Variants in POLR1F observed in about 807,000 individuals in gnomAD.
The protein encoded by POLR1F is DNA-directed RNA polymerase I subunit RPA43.
POLR1F carries 23 observed loss-of-function variants against 21.8 expected under a neutral mutation model. That is an observed-to-expected ratio of 1.05 (90% CI 0.76 to 1.49). The LOEUF (loss-of-function observed/expected upper bound fraction) is 1.49, where lower values mean the gene tolerates loss of function less well. Among genes scored for constraint, POLR1F ranks in the 40% most tolerant of loss-of-function variants. The pLI, the probability that POLR1F is intolerant of heterozygous loss-of-function variation, is 0.00. For synonymous variants in POLR1F, 162 were observed against 152.8 expected (o/e 1.06, Z -0.45); for missense variants, 435 against 412.1 (o/e 1.06, Z -0.48).
At position 19,698,167 on chromosome 7, in the gene POLR1F, T is replaced by C; in HGVS notation, c.*149A>G. 1.7e-6 allele frequency: 1 copy of C among 588,124 alleles called. No individual in the cohort carries two copies. The highest frequency in any genetic ancestry group is 6.0e-5 in the South Asian group (1 of 16,672). 36.4% of individuals were successfully genotyped at this position (588,124 alleles called of 1,614,324 possible). A position where few individuals can be genotyped will look rare whatever the true frequency, so the allele number is the denominator to read the frequency against. On this transcript the variant is annotated 3_prime_UTR_variant, in exon 4 of 4. Transcript: ENST00000222567. The stretch of plus-strand genomic sequence containing the variant: ...ATTAATTTACAGTCAGTTTTATCAT[T>C]TTTAGCATATAAAGCCTCCTACTCC...
chr7:19,702,212 G>GAT (rs1458266755), intron 2 of POLR1F, among the ~76,000 whole-genome samples: 5 of 152,122 alleles, frequency 3.3e-5, no homozygotes, highest in Non-Finnish European at 5.9e-5. Flanking sequence ...AGTTAATGTT[G>GAT]ATAATAGGGG....
At position 19,708,999 on chromosome 7, in the gene POLR1F, T is replaced by A; in HGVS notation, c.18A>T (p.Ser6=). The change falls in exon 1 of 4, where the codon TCA becomes TCT. Residue 6 remains serine (S), a synonymous_variant. Coordinates refer to ENST00000222567, the MANE Select transcript of POLR1F (RefSeq NM_001002926.2). ...AAGCCGCCGCTGGCCGCGGCGCCTC[T>A]GAGCAACCTGCAGCCATGCTGCTTG... MAAGC[S]EAPRPAAASD... is the part of the protein sequence containing the mutation. 6.3e-7 allele frequency: 1 copy of A among 1,590,276 alleles called. No homozygotes were observed. Among genetic ancestry groups the A allele is most frequent in the Non-Finnish European group, 8.6e-7 (1 of 1,167,576 alleles).
At chr7:19,702,433 A>C (rs1783457995) in intron 2 of POLR1F, among the ~76,000 whole-genome samples, 1 of 152,218 alleles carries the variant, frequency 6.6e-6, no homozygotes. Context: ...GAGAATGATC[A>C]CAGACTTAAA....
At position 19,708,850 on chromosome 7, in the gene POLR1F, T is replaced by G; in HGVS notation, c.167A>C (p.His56Pro). 1 of 1,614,224 alleles carries G rather than the reference T, an allele frequency of 6.2e-7. No individual in the cohort carries two copies. The highest frequency in any genetic ancestry group is 8.5e-7 in the Non-Finnish European group (1 of 1,180,036). Residue 56 changes from histidine to proline, a missense_variant, in exon 1 of 4, where the codon CAC becomes CCC. Coordinates refer to ENST00000222567, the MANE Select transcript of POLR1F (RefSeq NM_001002926.2). ...AAGGTAGCGGGGCGACAGCGCGATG[T>G]GCCTTTGGTGCGGCCCGGCCACCAG... ...SCLVAGPHQR[H>P]IALSPRYLNR...
chr7:19,702,038 C>A (rs1783452751), intron 2 of POLR1F, among the ~76,000 whole-genome samples: 1 of 151,944 alleles, frequency 6.6e-6, no homozygotes, highest in South Asian at 2.1e-4. Flanking sequence ...CAGCTAATGC[C>A]CTCTTGTGAG....
rs147189628 is a variant in POLR1F, at chr7:19,707,218, G to A, written c.254+1545C>T. On this transcript the variant is annotated intron_variant, in intron 1 of 3. Coordinates refer to ENST00000222567, the MANE Select transcript of POLR1F (RefSeq NM_001002926.2). ...GGTAGCTAACCATTAAGTAAATGTT[G>A]TTTCTTAAACTGCAAATCTGATATG... Among the ~76,000 whole-genome samples the A allele has an allele frequency of 1.2e-4, 19 of 152,232 alleles. No homozygotes were observed. The East Asian group carries it at 3.5e-3, about 28-fold the overall frequency.
chr7:19,705,115 C>T (rs1327058397), intron 1 of POLR1F, among the ~76,000 whole-genome samples, 195 bp from the exon 2 acceptor site: 3 of 152,056 alleles, frequency 2.0e-5, no homozygotes, highest in Non-Finnish European at 4.4e-5. Context: ...AGGTGTGCAC[C>T]ACTGCACTCT....
chr7:19,695,798 C>T lies in POLR1F; in HGVS notation c.*2518G>A, dbSNP rs149075539. On this transcript the variant is annotated 3_prime_UTR_variant, in exon 4 of 4. Coordinates refer to ENST00000222567, the MANE Select transcript of POLR1F (RefSeq NM_001002926.2). ...ATTAGATAACTTCTTAGTCCTCTGT[C>T]AGGTTCTCCACCTGGAATGCCACAG... The T allele has an allele frequency of 4.5e-4, 68 of 152,250 alleles. 1 individual carries two copies. The East Asian group carries it at 0.012, about 28-fold the overall frequency. 9.4% of individuals were successfully genotyped at this position (152,250 alleles called of 1,614,324 possible).
chr7:19,698,511 C>A lies in POLR1F; in HGVS notation c.822G>T (p.Glu274Asp). The change falls in exon 4 of 4, where the codon GAG (glutamate) becomes GAT (aspartate). Residue 274 changes from glutamate (E) to aspartate (D), a missense_variant. By Grantham distance (45) the Glu-to-Asp change is conservative. Transcript: ENST00000222567. ...TNNANGIWEEEPKKKKKKKKH... is the reference protein window; with the variant it reads ...TNNANGIWEEDPKKKKKKKKH... ...TTTTCTTCTTCTTCTTTTTCTTTGG[C>A]TCCTCCTCCCAGATGCCATTCGCAT... 1 of 1,605,164 alleles carries A rather than the reference C, an allele frequency of 6.2e-7. No homozygotes were observed. Among genetic ancestry groups the A allele is most frequent in the East Asian group, 2.2e-5 (1 of 44,824 alleles).
At chr7:19,707,578 T>G (rs1182006077) in intron 1 of POLR1F, among the ~76,000 whole-genome samples, 1 of 152,220 alleles carries the variant, frequency 6.6e-6, no homozygotes, top group Non-Finnish European at 1.5e-5. Flanking sequence ...CGTTTGTTTA[T>G]GCCACTCTCT....
Position 19,698,415 on chromosome 7 carries a change from A to G in POLR1F, c.918T>C (p.His306=). 1.2e-6 allele frequency: 2 copies of G among 1,606,230 alleles called. No individual in the cohort carries two copies. Among genetic ancestry groups the G allele is most frequent in the Non-Finnish European group, 1.7e-6 (2 of 1,177,774 alleles). ...GSDSSGYQSD[H]KKKKKKRKHS... is the part of the protein sequence containing the mutation. ...GTTTTCTTTTCTTTTTTTTCTTTTT[A>G]TGGTCACTTTGGTAACCACTGGAGT... The change falls in exon 4 of 4, where the codon CAT becomes CAC. Residue 306 remains histidine, a synonymous_variant. Coordinates refer to ENST00000222567, the MANE Select transcript of POLR1F (RefSeq NM_001002926.2).
At chr7:19,700,038 G>T in intron 3 of POLR1F, 34 bp downstream of exon 3, 1 of 1,509,002 alleles carries the variant, frequency 6.6e-7, no homozygotes, top group Non-Finnish European at 9.2e-7. Flanking sequence ...TAGAAATTAA[G>T]TACCTAGTGA....
At chr7:19,708,630 C>T in intron 1 of POLR1F, 133 bp downstream of exon 1, 4 of 1,298,048 alleles carry the variant, frequency 3.1e-6, no homozygotes, top group Non-Finnish European at 4.3e-6. Flanking sequence ...GATCGCGACT[C>T]TAGAAATCCA....
At chr7:19,705,827 G>C (rs76941173) in intron 1 of POLR1F, among the ~76,000 whole-genome samples, 9 of 152,104 alleles carry the variant, frequency 5.9e-5, no homozygotes. Context: ...CAGCCTGAGC[G>C]ACAGAGGGAG....
chr7:19,706,817 C>T (rs947092366), intron 1 of POLR1F, among the ~76,000 whole-genome samples: 1 of 152,130 alleles, frequency 6.6e-6, no homozygotes, highest in Non-Finnish European at 1.5e-5. Context: ...AGATACCATC[C>T]TAAATAGGTA....
At chr7:19,706,207 C>G (rs1009790690) in intron 1 of POLR1F, among the ~76,000 whole-genome samples, 1 of 152,154 alleles carries the variant, frequency 6.6e-6, no homozygotes, top group African/African-American at 2.4e-5. Flanking sequence ...TAGGAAAACC[C>G]TAACTCAGAG....
chr7:19,700,312 T>G, intron 2 of POLR1F, 32 bp from the exon 3 acceptor site: 2 of 1,549,730 alleles, frequency 1.3e-6, no homozygotes, highest in South Asian at 1.1e-5. Context: ...GAGCGTAACA[T>G]AAAGAACACA....
chr7:19,704,733 AT>A, intron 2 of POLR1F, 45 bp downstream of exon 2: 1 of 1,522,834 alleles, frequency 6.6e-7, no homozygotes, highest in Non-Finnish European at 8.8e-7. Context: ...AAGTTACATA[AT>A]TATAGAATTA....
intron 1 of POLR1F, among the ~76,000 whole-genome samples, chr7:19,707,660 T>C (rs3948699): frequency 0.13 from 20,231 of 152,242 alleles, 2,174 homozygotes; most frequent in East Asian, 0.6. Flanking sequence ...AGATCCAAAT[T>C]CTACACTCCT....
Sources: allele counts gnomAD v4.1 joint callset (sites outside exome capture counted in the v4.1 genomes callset), GRCh38; gene constraint gnomAD v4.1.1; transcripts MANE v1.5; gene names NCBI Gene and HGNC (gene_info 2026-07-23, HGNC 2026-07-21).